Variants in CNTNAP5 observed in about 807,000 individuals in gnomAD.
CNTNAP5 encodes contactin-associated protein-like 5.
CNTNAP5 carries 72 observed loss-of-function variants against 150.2 expected under a neutral mutation model. That is an observed-to-expected ratio of 0.48 (90% CI 0.40 to 0.58). The LOEUF (loss-of-function observed/expected upper bound fraction) is 0.58. CNTNAP5 is among the 20% of genes least tolerant of loss of function. The pLI is 0.00. For synonymous variants in CNTNAP5, 672 were observed against 619.8 expected (o/e 1.08, Z -1.25); for missense variants, 1,636 against 1,626.2 (o/e 1.01, Z -0.10).
chr2:124,466,737 C>T (rs1693387073), intron 6 of CNTNAP5, among the ~76,000 whole-genome samples: 1 of 152,160 alleles, frequency 6.6e-6, no homozygotes, highest in Non-Finnish European at 1.5e-5. Flanking sequence ...TGGATGAGCA[C>T]ATTACCTAAT....
intron 11 of CNTNAP5, among the ~76,000 whole-genome samples, chr2:124,567,627 C>T (rs1459652936): frequency 6.6e-6 from 1 of 152,142 alleles, no homozygotes; most frequent in East Asian, 1.9e-4. Flanking sequence ...GCAACCCAAC[C>T]AATGTTCAAT....
intron 1 of CNTNAP5, among the ~76,000 whole-genome samples, chr2:124,057,448 ATTTTTTTTT>A (rs556571236): frequency 1.6e-5 from 1 of 62,822 alleles, no homozygotes; most frequent in Non-Finnish European, 2.7e-5. Flanking sequence ...CGGCCAGCTA[ATTTTTTTTT>A]TTTTTTTTTT....
intron 19 of CNTNAP5, among the ~76,000 whole-genome samples, chr2:124,816,926 T>C (rs1259215731): frequency 6.6e-6 from 1 of 152,226 alleles, no homozygotes; most frequent in Non-Finnish European, 1.5e-5. Flanking sequence ...CGTTGCCATA[T>C]TCTATGTGTT....
chr2:124,110,546 A>G (rs1457302418), intron 1 of CNTNAP5, among the ~76,000 whole-genome samples: 2 of 152,354 alleles, frequency 1.3e-5, no homozygotes, highest in Non-Finnish European at 2.9e-5. Context: ...TCAAAGAGTT[A>G]TAGGAAAGAT....
chr2:124,361,215 T>A (rs937018041), intron 3 of CNTNAP5, among the ~76,000 whole-genome samples: 1 of 143,374 alleles, frequency 7.0e-6, no homozygotes, highest in Non-Finnish European at 1.5e-5. Flanking sequence ...TTCTTCTAAA[T>A]TTTTTTCAAA....
intron 7 of CNTNAP5, among the ~76,000 whole-genome samples, chr2:124,499,176 C>A (rs1694219570): frequency 6.6e-6 from 1 of 152,024 alleles, no homozygotes; most frequent in African/African-American, 2.4e-5. Flanking sequence ...ATATTTGTAA[C>A]AAGAATCTAG....
At chr2:124,682,556 C>T (rs1679091959) in intron 13 of CNTNAP5, among the ~76,000 whole-genome samples, 1 of 152,158 alleles carries the variant, frequency 6.6e-6, no homozygotes. Flanking sequence ...GACCACTGGA[C>T]TGGGAAGAAG....
At chr2:124,081,190 T>C (rs1408032549) in intron 1 of CNTNAP5, among the ~76,000 whole-genome samples, 6 of 152,128 alleles carry the variant, frequency 3.9e-5, no homozygotes, top group Non-Finnish European at 7.4e-5. Flanking sequence ...TAATACACAC[T>C]TAAATGAGAA....
At chr2:124,473,969 G>T (rs1375777921) in intron 6 of CNTNAP5, among the ~76,000 whole-genome samples, 1 of 151,826 alleles carries the variant, frequency 6.6e-6, no homozygotes, top group Non-Finnish European at 1.5e-5. Flanking sequence ...ATGTAATTGC[G>T]GTTTTTGCCA....
intron 1 of CNTNAP5, among the ~76,000 whole-genome samples, chr2:124,216,679 A>G (rs538867349): frequency 2.6e-5 from 4 of 152,152 alleles, no homozygotes; most frequent in South Asian, 2.1e-4. Context: ...TGAGAATGAT[A>G]GTTTCCAGCT....
intron 6 of CNTNAP5, among the ~76,000 whole-genome samples, chr2:124,471,603 G>C (rs994341290): frequency 6.6e-6 from 1 of 152,092 alleles, no homozygotes; most frequent in South Asian, 2.1e-4. Flanking sequence ...ATACTATGTT[G>C]AATAGGAGTG....
chr2:124,661,407 C>T (rs558906352), intron 13 of CNTNAP5, among the ~76,000 whole-genome samples: 4 of 152,082 alleles, frequency 2.6e-5, no homozygotes, highest in African/African-American at 4.8e-5. Flanking sequence ...AAACTGGGCC[C>T]GCAAAGAATC....
intron 19 of CNTNAP5, among the ~76,000 whole-genome samples, chr2:124,814,590 C>A (rs1682309509): frequency 6.6e-6 from 1 of 151,788 alleles, no homozygotes; most frequent in Non-Finnish European, 1.5e-5. Flanking sequence ...TTTTTTCAAG[C>A]AAAAGATCCT....
chr2:124,199,413 C>CTTTTTTTTTTTTTTTTTTTTTTTTTT lies in CNTNAP5; in HGVS notation c.83-22273_83-22272insTTTTTTTTTTTTTTTTTTTTTTTTTT, dbSNP rs70996049. Among the ~76,000 whole-genome samples, 3 of 110,048 alleles carry CTTTTTTTTTTTTTTTTTTTTTTTTTT rather than the reference C, an allele frequency of 2.7e-5. 1 individual carries two copies. Among genetic ancestry groups the CTTTTTTTTTTTTTTTTTTTTTTTTTT allele is most frequent in the African/African-American group, 3.5e-5 (1 of 28,448 alleles). 72.2% of individuals were successfully genotyped at this position (110,048 alleles called of 152,430 possible). The stretch of plus-strand genomic sequence containing the variant: ...ATTTTGTTACATTTATTCCAAGGTT[C>CTTTTTTTTTTTTTTTTTTTTTTTTTT]TTTTTTTTTTTTTTTTTTTGAGACG... On this transcript the variant is annotated intron_variant, in intron 1 of 23. Transcript: ENST00000682447.
At chr2:124,820,335 A>G (rs1682458835) in intron 19 of CNTNAP5, among the ~76,000 whole-genome samples, 1 of 152,120 alleles carries the variant, frequency 6.6e-6, no homozygotes, top group African/African-American at 2.4e-5. Flanking sequence ...TCTATCACAC[A>G]TTGAGAGAAT....
intron 6 of CNTNAP5, among the ~76,000 whole-genome samples, chr2:124,456,334 TA>T (rs1270172363): frequency 6.6e-6 from 1 of 151,856 alleles, no homozygotes; most frequent in African/African-American, 2.4e-5. Context: ...AATAAATAAA[TA>T]AAATACTTAG....
At chr2:124,518,914 A>G (rs1406864524) in intron 8 of CNTNAP5, among the ~76,000 whole-genome samples, 1 of 147,002 alleles carries the variant, frequency 6.8e-6, no homozygotes, top group Non-Finnish European at 1.5e-5. Context: ...GCTTGAACCC[A>G]GGAGGCGGAG....
intron 3 of CNTNAP5, among the ~76,000 whole-genome samples, chr2:124,380,982 G>T (rs1257008155): frequency 1.3e-5 from 2 of 152,150 alleles, no homozygotes; most frequent in East Asian, 3.9e-4. Flanking sequence ...GGGGAAGAGA[G>T]GGCTGGAATC....
intron 1 of CNTNAP5, among the ~76,000 whole-genome samples, chr2:124,099,610 G>T (rs1458207673): frequency 6.6e-6 from 1 of 152,120 alleles, no homozygotes; most frequent in Admixed American, 6.6e-5. Context: ...TTGCCATAAA[G>T]AAATATCTGA....
Sources: allele counts gnomAD v4.1 joint callset (sites outside exome capture counted in the v4.1 genomes callset), GRCh38; gene constraint gnomAD v4.1.1; transcripts MANE v1.5; gene names NCBI Gene and HGNC (gene_info 2026-07-23, HGNC 2026-07-21).